Variants in OPCML observed in about 807,000 individuals in gnomAD.
The protein encoded by OPCML is opioid binding protein/cell adhesion molecule like.
In OPCML, 13 loss-of-function variants were observed where a neutral mutation model predicts 37.8. That is an observed-to-expected ratio of 0.34 (90% CI 0.22 to 0.55). The LOEUF (loss-of-function observed/expected upper bound fraction) is 0.55. OPCML is among the 20% of genes least tolerant of loss of function. The probability of loss-of-function intolerance (pLI) is 0.91; values close to 1 mark genes in which losing one functional copy is unlikely to be tolerated. For missense variants in OPCML, 341 were observed against 435.6 expected, an observed-to-expected ratio of 0.78 and a Z score of 1.93; for synonymous variants, 176 against 168.8, an observed-to-expected ratio of 1.04 and a Z score of -0.33.
At chr11:132,805,904 G>A (rs1338257688) in intron 2 of OPCML, among the ~76,000 whole-genome samples, 5 of 152,052 alleles carry the variant, frequency 3.3e-5, no homozygotes, top group African/African-American at 7.2e-5. Flanking sequence ...GCTATTTATA[G>A]CAAAAATAAT....
At chr11:133,483,806 T>TAGATAGAC (rs1380023453) in intron 1 of OPCML, among the ~76,000 whole-genome samples, 1 of 146,942 alleles carries the variant, frequency 6.8e-6, no homozygotes, top group Non-Finnish European at 1.5e-5. Flanking sequence ...GATAGATAGA[T>TAGATAGAC]AGATAGATAG....
At chr11:132,459,175 G>T (rs2096092313) in intron 4 of OPCML, among the ~76,000 whole-genome samples, 1 of 152,064 alleles carries the variant, frequency 6.6e-6, no homozygotes, top group South Asian at 2.1e-4. Flanking sequence ...ACCCGCTCCT[G>T]CCCTCTAGCT....
chr11:133,379,301 T>C (rs974067986), intron 1 of OPCML, among the ~76,000 whole-genome samples: 2 of 152,340 alleles, frequency 1.3e-5, no homozygotes, highest in Admixed American at 1.3e-4. Context: ...CTATGGATGC[T>C]CTGGTCTTCT....
chr11:133,033,831 C>G (rs759603517), intron 1 of OPCML, among the ~76,000 whole-genome samples: 1 of 152,124 alleles, frequency 6.6e-6, no homozygotes, highest in Non-Finnish European at 1.5e-5. Flanking sequence ...TATGTGGTCA[C>G]GGGTATCAAC....
intron 4 of OPCML, among the ~76,000 whole-genome samples, chr11:132,472,945 C>G (rs1371982987): frequency 1.3e-5 from 2 of 152,218 alleles, no homozygotes. Context: ...CCCCAAACCA[C>G]CAGGGGATTC....
At position 132,654,799 on chromosome 11, in the gene OPCML, C is replaced by T. The variant is rs906411037; in HGVS notation, c.379+2288G>A. 6.6e-5 allele frequency among the ~76,000 whole-genome samples: 10 copies of T among 152,284 alleles called. No individual in the cohort carries two copies. The South Asian group carries it at 2.1e-3, about 32-fold the overall frequency. ...CATCATCCCCAAGAGAAGCTCTTCC[C>T]CAAGAGAAGCTCCTCCCCAAAAGAA... On this transcript the variant is annotated intron_variant, in intron 3 of 7. Transcript: ENST00000524381.
chr11:133,305,281 C>A (rs951179740), intron 1 of OPCML, among the ~76,000 whole-genome samples: 1 of 152,154 alleles, frequency 6.6e-6, no homozygotes, highest in Non-Finnish European at 1.5e-5. Context: ...GGGCTTCCCC[C>A]CTGTACCCCT....
intron 1 of OPCML, among the ~76,000 whole-genome samples, chr11:133,512,116 TC>T (rs759511265): frequency 6.6e-6 from 1 of 152,134 alleles, no homozygotes; most frequent in Non-Finnish European, 1.5e-5. Context: ...AGAGCTTGGT[TC>T]CATAAGACTA....
intron 1 of OPCML, among the ~76,000 whole-genome samples, chr11:133,124,006 A>G (rs1453199344): frequency 6.6e-6 from 1 of 152,008 alleles, no homozygotes; most frequent in Non-Finnish European, 1.5e-5. Flanking sequence ...ATCCTTCAAC[A>G]TGAATGCCAG....
chr11:132,645,696 A>G (rs1002987577), intron 3 of OPCML, among the ~76,000 whole-genome samples: 3 of 152,366 alleles, frequency 2.0e-5, no homozygotes, highest in African/African-American at 7.2e-5. Context: ...AAAAAGCCCT[A>G]GCAACTCTAA....
intron 3 of OPCML, among the ~76,000 whole-genome samples, chr11:132,648,291 G>A (rs1355003373): frequency 1.3e-5 from 2 of 152,164 alleles, no homozygotes; most frequent in Admixed American, 6.5e-5. Flanking sequence ...GCTCACAGCA[G>A]CAGGAACGTG....
chr11:132,436,661 G>A lies in OPCML; in HGVS notation c.762C>T (p.Thr254=), dbSNP rs1373578025. Residue 254 remains threonine (T), a splice_region_variant and synonymous_variant, in exon 6 of 8, where the codon ACC becomes ACT. Transcript: ENST00000524381. ...TCCAGGTGTCATTTAAAAGGTACCT[G>A]GTTTCTTCCTTGAACCACTGGAATT... ...MAEFQWFKEE[T]RLATGLDGMR... 6.2e-7 allele frequency: 1 copy of A among 1,614,146 alleles called. No homozygotes were observed. Among genetic ancestry groups the A allele is most frequent in the East Asian group, 2.2e-5 (1 of 44,868 alleles).
At chr11:132,493,185 G>A (rs556599609) in intron 4 of OPCML, among the ~76,000 whole-genome samples, 4 of 152,194 alleles carry the variant, frequency 2.6e-5, no homozygotes, top group Non-Finnish European at 5.9e-5. Flanking sequence ...GGACCTGCTG[G>A]TAACTACACT....
At chr11:133,375,381 G>T (rs536582072) in intron 1 of OPCML, among the ~76,000 whole-genome samples, 1 of 152,330 alleles carries the variant, frequency 6.6e-6, no homozygotes, top group Middle Eastern at 3.4e-3. Context: ...TGCCACAAAT[G>T]CTTGTTCACA....
chr11:133,267,110 G>T (rs1592152606), intron 1 of OPCML, among the ~76,000 whole-genome samples: 1 of 152,292 alleles, frequency 6.6e-6, no homozygotes, highest in East Asian at 1.9e-4. Context: ...GAAGGACTTT[G>T]TAGGCGGTGG....
chr11:132,545,425 C>T (rs1287810353), intron 3 of OPCML, among the ~76,000 whole-genome samples: 1 of 152,130 alleles, frequency 6.6e-6, no homozygotes, highest in Non-Finnish European at 1.5e-5. Context: ...AGGAAACTTG[C>T]TACAACCAGG....
intron 2 of OPCML, among the ~76,000 whole-genome samples, chr11:132,858,619 T>G (rs1007550207): frequency 2.6e-5 from 4 of 152,170 alleles, no homozygotes; most frequent in Admixed American, 2.6e-4. Context: ...GGCTCAGGTA[T>G]CAGAAATCCC....
intron 1 of OPCML, among the ~76,000 whole-genome samples, chr11:133,489,231 C>T (rs138152640): frequency 6.6e-6 from 1 of 151,608 alleles, no homozygotes; most frequent in African/African-American, 2.4e-5. Context: ...ATAAATGGGA[C>T]TTAATTAAAC....
At chr11:132,496,563 G>T (rs2096231888) in intron 4 of OPCML, among the ~76,000 whole-genome samples, 1 of 152,244 alleles carries the variant, frequency 6.6e-6, no homozygotes, top group Non-Finnish European at 1.5e-5. Flanking sequence ...GGTCAGTCAT[G>T]CATGCCCACT....
Sources: gnomAD v4.1 joint callset for allele counts (sites outside exome capture counted in the v4.1 genomes callset) on GRCh38, gnomAD v4.1.1 for gene constraint, MANE v1.5 for transcripts, NCBI Gene and HGNC (gene_info 2026-07-23, HGNC 2026-07-21) for gene names.